The following UTRN variants were observed in gnomAD, a reference collection of about 807,000 sequenced individuals.
The protein encoded by UTRN is dystrophin-related protein 1.
Under a neutral mutation model 463.9 loss-of-function variants are expected in UTRN, and 283 were observed. The ratio of observed to expected loss-of-function variants is 0.61; its 90% CI spans 0.55 to 0.67. The LOEUF (loss-of-function observed/expected upper bound fraction) is 0.67. Ranked by LOEUF, UTRN falls within the 30% of genes least tolerant of loss-of-function variation. UTRN has a pLI of 0.00. For missense variants in UTRN, 3,922 were observed against 4,084.3 expected, an observed-to-expected ratio of 0.96 and a Z score of 1.08; for synonymous variants, 1,442 against 1,431.5, an observed-to-expected ratio of 1.01 and a Z score of -0.17.
chr6:144,841,260 A>G lies in UTRN; in HGVS notation c.10270+428A>G, dbSNP rs893999558. Among the ~76,000 whole-genome samples, 12 of 152,306 alleles carry G rather than the reference A, an allele frequency of 7.9e-5. No homozygotes were observed. In the South Asian group the frequency reaches 2.1e-3, roughly 26 times the overall value. ...TCTTTTCTTCAAACATTGTTCTCCAATGTCATCAGACTCCAGTGCAGAAAG... is the reference window on the plus strand; with the variant it reads ...TCTTTTCTTCAAACATTGTTCTCCAGTGTCATCAGACTCCAGTGCAGAAAG... On this transcript the variant is annotated intron_variant, in intron 73 of 74. Transcript: ENST00000367545.
intron 43 of UTRN, among the ~76,000 whole-genome samples, chr6:144,537,327 A>G (rs927874086): frequency 4.1e-4 from 62 of 152,050 alleles, no homozygotes; most frequent in Non-Finnish European, 6.3e-4. Flanking sequence ...ATAACTTTTT[A>G]TGATGAGGGA....
At position 144,798,865 on chromosome 6, in the gene UTRN, C is replaced by A. The variant is rs187674465; in HGVS notation, c.9245+875C>A. On this transcript the variant is annotated intron_variant, in intron 64 of 74. Transcript: ENST00000367545. Reference sequence around the variant, plus strand: ...CACGCGATTCCCCTGCCTCGGCCTCCCGAGTAGCTGGGACTACAGGTGCAT... The same window carrying A: ...CACGCGATTCCCCTGCCTCGGCCTCACGAGTAGCTGGGACTACAGGTGCAT... Among the ~76,000 whole-genome samples the A allele has an allele frequency of 3.3e-5, 5 of 152,366 alleles. No individual in the cohort carries two copies. In the East Asian group the frequency reaches 7.7e-4, roughly 24 times the overall value.
chr6:144,742,423 G>T (rs1380068003), intron 54 of UTRN, among the ~76,000 whole-genome samples: 4 of 151,926 alleles, frequency 2.6e-5, no homozygotes, highest in Admixed American at 6.6e-5. Context: ...CAGAAAATTA[G>T]GAAATAATGT....
At chr6:144,550,662 T>C (rs1798826404) in intron 47 of UTRN, among the ~76,000 whole-genome samples, 1 of 152,368 alleles carries the variant, frequency 6.6e-6, no homozygotes, top group Admixed American at 6.5e-5. Flanking sequence ...TTTCTTTGTT[T>C]AATGTCCTCA....
intron 32 of UTRN, among the ~76,000 whole-genome samples, chr6:144,492,510 G>A (rs1189977290): frequency 2.0e-5 from 3 of 152,124 alleles, no homozygotes; most frequent in Non-Finnish European, 2.9e-5. Flanking sequence ...TTGGTAGAAC[G>A]ATTATCCTCC....
chr6:144,423,040 A>G (rs1784978154), intron 4 of UTRN, among the ~76,000 whole-genome samples: 1 of 152,166 alleles, frequency 6.6e-6, no homozygotes, highest in Non-Finnish European at 1.5e-5. Flanking sequence ...TGCTACCTGG[A>G]GCCTGGGATG....
At chr6:144,699,284 G>A (rs1034962343) in intron 52 of UTRN, among the ~76,000 whole-genome samples, 3 of 151,738 alleles carry the variant, frequency 2.0e-5, no homozygotes, top group African/African-American at 7.3e-5. Flanking sequence ...CTAAAAATAC[G>A]AAAATTAACC....
At chr6:144,738,915 T>G (rs1263954570) in intron 54 of UTRN, among the ~76,000 whole-genome samples, 1 of 152,174 alleles carries the variant, frequency 6.6e-6, no homozygotes, top group Non-Finnish European at 1.5e-5. Context: ...AGCTATTACT[T>G]AATTTAGTCT....
At chr6:144,639,796 G>C (rs184154506) in intron 51 of UTRN, among the ~76,000 whole-genome samples, 5 of 152,102 alleles carry the variant, frequency 3.3e-5, no homozygotes, top group Admixed American at 1.3e-4. Flanking sequence ...CCATGTTGCT[G>C]TGGGAGTTTC....
At position 144,433,559 on chromosome 6, in the gene UTRN, G is replaced by A. The variant is rs568586298; in HGVS notation, c.856-2376G>A. Among the ~76,000 whole-genome samples the A allele has an allele frequency of 2.9e-3, 429 of 148,316 alleles. 2 individuals are homozygous for A. The highest frequency in any genetic ancestry group is 9.6e-3 in the African/African-American group (385 of 40,024). Reference sequence around the variant, plus strand: ...TCACTTCTCAGATGGGGCGGCTGCCGGGCGGAGGGGCTCCTCCCTTCTCAG... The same window carrying A: ...TCACTTCTCAGATGGGGCGGCTGCCAGGCGGAGGGGCTCCTCCCTTCTCAG... On this transcript the variant is annotated intron_variant, in intron 9 of 74. Coordinates refer to ENST00000367545, the MANE Select transcript of UTRN (RefSeq NM_007124.3).
At chr6:144,739,634 T>C (rs994425383) in intron 54 of UTRN, among the ~76,000 whole-genome samples, 1 of 152,148 alleles carries the variant, frequency 6.6e-6, no homozygotes, top group African/African-American at 2.4e-5. Flanking sequence ...CGAGCCACGG[T>C]AGAGACGTAG....
intron 57 of UTRN, among the ~76,000 whole-genome samples, chr6:144,756,971 G>A (rs1792062773): frequency 6.6e-6 from 1 of 152,028 alleles, no homozygotes; most frequent in East Asian, 1.9e-4. Context: ...GCTTGGCAAA[G>A]TTTAGAATGC....
chr6:144,728,118 A>T (rs947029570), intron 53 of UTRN, among the ~76,000 whole-genome samples: 1 of 142,558 alleles, frequency 7.0e-6, no homozygotes, highest in African/African-American at 2.7e-5. Context: ...AAAAAAAAAA[A>T]GGAATGTTTA....
chr6:144,569,448 G>T (rs1200813081), intron 50 of UTRN, among the ~76,000 whole-genome samples: 1 of 151,808 alleles, frequency 6.6e-6, no homozygotes, highest in African/African-American at 2.4e-5. Flanking sequence ...AAAATTAATT[G>T]CCTAGTATTT....
At chr6:144,513,067 T>C (rs1562508391) in intron 35 of UTRN, among the ~76,000 whole-genome samples, 2 of 152,328 alleles carry the variant, frequency 1.3e-5, no homozygotes, top group East Asian at 3.9e-4. Context: ...GCTTCTGTTT[T>C]CAAATCTGTT....
rs371805858 is a variant in UTRN, at chr6:144,827,406, G to C, written c.9533+20G>C. 8 of 1,613,076 alleles carry C rather than the reference G, an allele frequency of 5.0e-6. No homozygotes were observed. In the Admixed American group the frequency reaches 1.2e-4, roughly 24 times the overall value. On this transcript the variant is annotated intron_variant, in intron 67 of 74. Transcript: ENST00000367545. ...CTATGAGTGAGTATTCATAGCCCAC[G>C]TGCAGGAGAGGTGTTCTGATCAGTG... is the stretch of plus-strand genomic sequence containing the variant.
chr6:144,448,885 A>G (rs1787966581), intron 17 of UTRN, 116 bp downstream of exon 17: 24 of 1,223,802 alleles, frequency 2.0e-5, no homozygotes, highest in Non-Finnish European at 2.7e-5. Flanking sequence ...AATAAGTATT[A>G]TTATTATGAA....
intron 65 of UTRN, among the ~76,000 whole-genome samples, chr6:144,818,277 G>C (rs1288737494): frequency 6.6e-6 from 1 of 152,164 alleles, no homozygotes; most frequent in Non-Finnish European, 1.5e-5. Flanking sequence ...GGAGGCGAAG[G>C]GTCATGGGTA....
intron 16 of UTRN, 126 bp downstream of exon 16, chr6:144,447,907 A>G (rs1162341862): frequency 4.5e-6 from 4 of 879,386 alleles, no homozygotes; most frequent in Non-Finnish European, 6.4e-6. Flanking sequence ...TGAAAAATTG[A>G]CATGTGAAAA....
Sources: gnomAD v4.1 joint callset for allele counts (sites outside exome capture counted in the v4.1 genomes callset) on GRCh38, gnomAD v4.1.1 for gene constraint, MANE v1.5 for transcripts, NCBI Gene and HGNC (gene_info 2026-07-23, HGNC 2026-07-21) for gene names.